VPS13C: variants seen among roughly 807,000 people sequenced by gnomAD.
VPS13C encodes vacuolar protein sorting 13 homolog C.
A neutral mutation model predicts 456.8 loss-of-function variants in VPS13C; 358 were observed. The ratio of observed to expected loss-of-function variants is 0.78; its 90% CI spans 0.72 to 0.86. The LOEUF is 0.86. Ranked by LOEUF, VPS13C falls within the 40% of genes least tolerant of loss-of-function variation. The pLI is 0.00. For missense variants in VPS13C, 4,818 were observed against 4,385.4 expected, an observed-to-expected ratio of 1.10 and a Z score of -2.79; for synonymous variants, 1,578 against 1,486.7, an observed-to-expected ratio of 1.06 and a Z score of -1.41.
chr15:61,874,777 C>T, intron 77 of VPS13C, 99 bp downstream of exon 77: 1 of 1,057,030 alleles, frequency 9.5e-7, no homozygotes, highest in African/African-American at 1.7e-5. Flanking sequence ...AGAAAGTGAT[C>T]CCTCCTTTAT....
intron 58 of VPS13C, 25 bp from the exon 59 acceptor site, chr15:61,918,282 T>C: frequency 1.3e-6 from 2 of 1,518,664 alleles, no homozygotes; most frequent in Non-Finnish European, 1.8e-6. Context: ...AAAATACAAG[T>C]TTTTTAAAAG....
chr15:61,951,382 T>C (rs1348609792), intron 39 of VPS13C, among the ~76,000 whole-genome samples: 1 of 152,110 alleles, frequency 6.6e-6, no homozygotes, highest in South Asian at 2.1e-4. Flanking sequence ...AGAGTTCTTA[T>C]AAACTTTAAA....
chr15:61,865,611 TATATGTATGTGTAC>T (rs1894496699), intron 81 of VPS13C: 2 of 521,886 alleles, frequency 3.8e-6, no homozygotes, highest in African/African-American at 4.2e-5. Flanking sequence ...TGTATGTGTA[TATATGTATGTGTAC>T]ATATGGGTAT....
In VPS13C at chr15:62,000,536, CAT is replaced by C. The variant is rs774517640; in HGVS notation, c.1353+26_1353+27del. On this transcript the variant is annotated intron_variant, in intron 16 of 84. Coordinates refer to ENST00000644861, the MANE Select transcript of VPS13C (RefSeq NM_020821.3). Reference sequence around the variant, plus strand: ...AAAGCGGGCATTAACATGTTTAAAACATAAAATCAGCTAATAAAAATGATTAC... The same window carrying C: ...AAAGCGGGCATTAACATGTTTAAAACAAAATCAGCTAATAAAAATGATTAC... 4 of 1,595,214 alleles carry C rather than the reference CAT, an allele frequency of 2.5e-6. No homozygotes were observed. In the Admixed American group the frequency reaches 5.2e-5, roughly 21 times the overall value.
intron 14 of VPS13C, among the ~76,000 whole-genome samples, 188 bp downstream of exon 14, chr15:62,008,467 T>C (rs2046928943): frequency 6.6e-6 from 1 of 152,062 alleles, no homozygotes; most frequent in African/African-American, 2.4e-5. Flanking sequence ...AAAAGTAATA[T>C]GGACATACAA....
At chr15:62,008,214 G>C (rs566421617) in intron 14 of VPS13C, among the ~76,000 whole-genome samples, 1 of 152,074 alleles carries the variant, frequency 6.6e-6, no homozygotes, top group South Asian at 2.1e-4. Flanking sequence ...CTGGGTGACA[G>C]AGCAAGACTC....
intron 15 of VPS13C, among the ~76,000 whole-genome samples, chr15:62,001,661 C>G (rs2140463116): frequency 6.6e-6 from 1 of 152,202 alleles, no homozygotes; most frequent in Non-Finnish European, 1.5e-5. Context: ...CAATGCTATC[C>G]CTCCCCCTCC....
Position 61,927,270 on chromosome 15 carries a change from C to T in VPS13C, c.6337G>A (p.Glu2113Lys), listed in dbSNP as rs1452843238. Residue 2113 changes from glutamate to lysine, a missense_variant, in exon 52 of 85, where the codon GAA (glutamate) becomes AAA (lysine). Glu to Lys is a moderately conservative substitution (Grantham distance 56). Coordinates refer to ENST00000644861, the MANE Select transcript of VPS13C (RefSeq NM_020821.3). ...GTCAGGCTGGCAACAAATACCACTT[C>T]TGGATCTGTGATCATGGCCTTTAAA... ...MTLKAMITDP[E>K]VVFVASLTKA... 4 of 1,614,078 alleles carry T rather than the reference C, an allele frequency of 2.5e-6. No individual in the cohort carries two copies. The African/African-American group carries it at 5.3e-5, about 22-fold the overall frequency.
chr15:61,919,459 T>A lies in VPS13C; in HGVS notation c.7478-10A>T. ...GTATATCCATGAGGTACTAAGGCAG[T>A]GCATAAGTGAAAAGAATTCCAAATA... On this transcript the variant is annotated splice_polypyrimidine_tract_variant and intron_variant, in intron 57 of 84. Coordinates refer to ENST00000644861, the MANE Select transcript of VPS13C (RefSeq NM_020821.3). 1 of 1,488,650 alleles carries A rather than the reference T, an allele frequency of 6.7e-7. No individual in the cohort carries two copies. Among genetic ancestry groups the A allele is most frequent in the Non-Finnish European group, 8.9e-7 (1 of 1,121,490 alleles). The allele number at this position is 1,488,650 out of a possible 1,614,324, so 92.2% of individuals were successfully genotyped here. A position where few individuals can be genotyped will look rare whatever the true frequency, so the allele number is the denominator to read the frequency against.
intron 1 of VPS13C, among the ~76,000 whole-genome samples, chr15:62,052,478 A>C (rs75520981): frequency 0.06 from 9,107 of 152,048 alleles, 346 homozygotes; most frequent in Non-Finnish European, 0.085. Flanking sequence ...GATCAAGACC[A>C]TCCTGATACG....
chr15:61,899,812 AAG>A (rs1363338697), intron 66 of VPS13C, among the ~76,000 whole-genome samples: 3 of 152,086 alleles, frequency 2.0e-5, no homozygotes, highest in Non-Finnish European at 4.4e-5. Flanking sequence ...ACAACCAAAA[AAG>A]AGGATTTTAG....
At chr15:61,863,036 C>A (rs1005611540) in intron 82 of VPS13C, among the ~76,000 whole-genome samples, 1 of 152,076 alleles carries the variant, frequency 6.6e-6, no homozygotes, top group Non-Finnish European at 1.5e-5. Flanking sequence ...AGAAGTAATG[C>A]CACCCTTTAA....
Position 62,013,992 on chromosome 15 carries a change from T to C in VPS13C, c.685A>G (p.Thr229Ala). 6.2e-7 allele frequency: 1 copy of C among 1,607,884 alleles called. No individual in the cohort carries two copies. Among genetic ancestry groups the C allele is most frequent in the South Asian group, 1.1e-5 (1 of 90,276 alleles). The change falls in exon 10 of 85, where the codon ACT (threonine) becomes GCT (alanine). Residue 229 changes from threonine to alanine, a missense_variant and splice_region_variant. This residue lies in a region of VPS13C where 4,552 missense variants were observed against 4,130.6 expected (regional missense o/e 1.10). Coordinates refer to ENST00000644861, the MANE Select transcript of VPS13C (RefSeq NM_020821.3). ...GVTLGELSLL[T>A]ANEHWTPCIL... is the part of the protein sequence containing the mutation. ...CATGGAGTCCAGTGTTCATTTGCAG[T>C]CTAAAAGAAAAAAGGGAATACCTGT...
At chr15:61,993,069 C>T (rs1034711426) in intron 16 of VPS13C, among the ~76,000 whole-genome samples, 1 of 152,016 alleles carries the variant, frequency 6.6e-6, no homozygotes, top group Non-Finnish European at 1.5e-5. Context: ...TGAGTTTTTC[C>T]ACTTTTAAGA....
chr15:61,947,151 G>A, intron 43 of VPS13C, 42 bp downstream of exon 43: 1 of 1,304,716 alleles, frequency 7.7e-7, no homozygotes, highest in South Asian at 1.4e-5. Flanking sequence ...TCCTAGTTAT[G>A]TAAAGAAACA....
intron 81 of VPS13C, chr15:61,866,945 T>C: frequency 1.0e-6 from 1 of 984,384 alleles, no homozygotes; most frequent in Non-Finnish European, 1.2e-6. Flanking sequence ...TGAAAGTTGC[T>C]AGATAAGACA....
In VPS13C at chr15:61,859,708, C is replaced by T. The variant is rs117439777; in HGVS notation, c.10953-3299G>A. The stretch of plus-strand genomic sequence containing the variant: ...TCCCTATGTCCTCAGAGACTCTGTC[C>T]ATCGCTCTTCTTAGCACCTATCACA... On this transcript the variant is annotated intron_variant, in intron 82 of 84. Transcript: ENST00000644861. Among the ~76,000 whole-genome samples, 232 of 152,244 alleles carry T rather than the reference C, an allele frequency of 1.5e-3. 11 individuals are homozygous for T. In the South Asian group the frequency reaches 0.046, roughly 31 times the overall value.
intron 2 of VPS13C, among the ~76,000 whole-genome samples, chr15:62,042,237 A>G (rs141567394): frequency 1.2e-3 from 180 of 152,314 alleles, no homozygotes; most frequent in Middle Eastern, 6.8e-3. Context: ...ATTCCAAACA[A>G]CTAGAAAGTT....
At chr15:61,909,156 T>G in intron 64 of VPS13C, 31 bp from the exon 65 acceptor site, 1 of 1,610,426 alleles carries the variant, frequency 6.2e-7, no homozygotes, top group Non-Finnish European at 8.5e-7. Context: ...GTATGTTTGA[T>G]GTACTGGTTT....
Sources: gnomAD v4.1 joint callset for allele counts (sites outside exome capture counted in the v4.1 genomes callset) on GRCh38, gnomAD v4.1.1 for gene constraint, gnomAD v4.1.1 regional missense constraint, MANE v1.5 for transcripts, NCBI Gene and HGNC (gene_info 2026-07-23, HGNC 2026-07-21) for gene names.